The following CORO2B variants were observed in gnomAD, a reference collection of about 807,000 sequenced individuals.
CORO2B encodes coronin 2B, also known as coronin-2B.
CORO2B carries 26 observed loss-of-function variants against 58.8 expected under a neutral mutation model. The ratio of observed to expected loss-of-function variants is 0.44; its 90% CI spans 0.32 to 0.61. The LOEUF is 0.61. CORO2B is among the 20% of genes least tolerant of loss of function. The probability of loss-of-function intolerance (pLI) is 0.04; values close to 1 mark genes in which losing one functional copy is unlikely to be tolerated. For missense variants in CORO2B, 460 were observed against 645.1 expected, an observed-to-expected ratio of 0.71 and a Z score of 3.11; for synonymous variants, 242 against 253.8, an observed-to-expected ratio of 0.95 and a Z score of 0.44.
At chr15:68,612,506 G>C (rs12900292) in intron 1 of CORO2B, among the ~76,000 whole-genome samples, 26,165 of 152,182 alleles carry the variant, frequency 0.17, 2,560 homozygotes, top group African/African-American at 0.27. Flanking sequence ...GTCTGGGGTA[G>C]AGCAGGAAAA....
chr15:68,646,984 G>T (rs965883819), intron 2 of CORO2B, among the ~76,000 whole-genome samples: 2 of 152,162 alleles, frequency 1.3e-5, no homozygotes, highest in Non-Finnish European at 2.9e-5. Context: ...CCAGGAACAT[G>T]TGGGCTGGTT....
the CORO2B span, among the ~76,000 whole-genome samples, chr15:68,527,723 T>C: frequency 6.6e-6 from 1 of 152,214 alleles, no homozygotes; most frequent in Non-Finnish European, 1.5e-5. Flanking sequence ...TATCAGTCAA[T>C]ATGAAGTGGA....
At chr15:68,708,520 C>T (rs1405585549) in intron 3 of CORO2B, among the ~76,000 whole-genome samples, 2 of 151,868 alleles carry the variant, frequency 1.3e-5, no homozygotes, top group East Asian at 3.9e-4. Flanking sequence ...GCCACTACGC[C>T]TGGCTAATTT....
chr15:68,617,864 T>G (rs150268949), intron 1 of CORO2B, among the ~76,000 whole-genome samples: 31 of 152,306 alleles, frequency 2.0e-4, no homozygotes, highest in African/African-American at 7.2e-4. Flanking sequence ...AGATTGTGGC[T>G]GAATGTGGGG....
At chr15:68,631,674 C>G (rs1900833737) in intron 1 of CORO2B, among the ~76,000 whole-genome samples, 1 of 152,214 alleles carries the variant, frequency 6.6e-6, no homozygotes, top group African/African-American at 2.4e-5. Flanking sequence ...CCAACCAACC[C>G]TGAAGTACAC....
At chr15:68,531,773 A>G in the CORO2B span, among the ~76,000 whole-genome samples, 1 of 151,718 alleles carries the variant, frequency 6.6e-6, no homozygotes, top group Non-Finnish European at 1.5e-5. Flanking sequence ...AGTAAATCCA[A>G]GTTTCCATCT....
intron 1 of CORO2B, among the ~76,000 whole-genome samples, chr15:68,628,607 A>C (rs1900746296): frequency 6.6e-6 from 1 of 152,240 alleles, no homozygotes; most frequent in African/African-American, 2.4e-5. Context: ...GAGCAAAGTA[A>C]TGTTACAGTT....
chr15:68,623,287 C>G (rs1334387763), intron 1 of CORO2B, among the ~76,000 whole-genome samples: 1 of 152,198 alleles, frequency 6.6e-6, no homozygotes, highest in Non-Finnish European at 1.5e-5. Flanking sequence ...CATGCTGCCT[C>G]TTGAATCAAG....
At chr15:68,706,795 G>A (rs1198618844) in intron 3 of CORO2B, among the ~76,000 whole-genome samples, 4 of 151,824 alleles carry the variant, frequency 2.6e-5, no homozygotes, top group African/African-American at 4.8e-5. Flanking sequence ...CTGCAGCCTC[G>A]TCTTCCTGGG....
the CORO2B span, among the ~76,000 whole-genome samples, chr15:68,570,393 G>A: frequency 4.0e-4 from 61 of 152,260 alleles, 1 homozygote; most frequent in African/African-American, 1.3e-3. Flanking sequence ...TGATGTCTTC[G>A]TCTGAATTTG....
At chr15:68,646,280 G>C (rs780044728) in intron 2 of CORO2B, among the ~76,000 whole-genome samples, 3 of 152,154 alleles carry the variant, frequency 2.0e-5, no homozygotes, top group Admixed American at 1.3e-4. Flanking sequence ...GAGGTCACGC[G>C]CTTCAGGGAA....
intron 1 of CORO2B, among the ~76,000 whole-genome samples, chr15:68,643,766 C>T (rs571565924): frequency 2.7e-4 from 41 of 152,212 alleles, no homozygotes; most frequent in South Asian, 2.1e-3. Flanking sequence ...CAGGCGGCAC[C>T]GTGGCTCACA....
At chr15:68,611,756 C>T (rs1900253174) in intron 1 of CORO2B, among the ~76,000 whole-genome samples, 1 of 150,974 alleles carries the variant, frequency 6.6e-6, no homozygotes, top group South Asian at 2.1e-4. Flanking sequence ...TTAGGTTTTT[C>T]CAATTTTCCA....
chr15:68,668,229 GC>G (rs1902260654), intron 2 of CORO2B, among the ~76,000 whole-genome samples: 1 of 152,204 alleles, frequency 6.6e-6, no homozygotes, highest in Non-Finnish European at 1.5e-5. Context: ...TAGGTCATCT[GC>G]CCCACAACGT....
intron 1 of CORO2B, among the ~76,000 whole-genome samples, chr15:68,598,705 C>T (rs1899901110): frequency 1.3e-5 from 2 of 152,250 alleles, no homozygotes; most frequent in Admixed American, 1.3e-4. Context: ...TAGCTCTCCT[C>T]TGTGCCTTCC....
intron 2 of CORO2B, among the ~76,000 whole-genome samples, chr15:68,669,230 T>TA (rs1337401758): frequency 2.0e-5 from 3 of 152,220 alleles, no homozygotes; most frequent in African/African-American, 7.2e-5. Context: ...GGACTCGGCC[T>TA]TGAGAAGCAG....
intron 2 of CORO2B, among the ~76,000 whole-genome samples, chr15:68,670,496 A>G (rs915413515): frequency 2.6e-5 from 4 of 152,208 alleles, no homozygotes; most frequent in African/African-American, 9.7e-5. Flanking sequence ...AATATTTAGA[A>G]TCATTAGTTT....
At chr15:68,718,619 T>C in intron 8 of CORO2B, 79 bp from the exon 9 acceptor site, 1 of 1,252,230 alleles carries the variant, frequency 8.0e-7, no homozygotes, top group South Asian at 1.3e-5. Context: ...GCCTTTCCCC[T>C]GGCCCAGAAC....
rs1470849738 is a variant in CORO2B at position 68,726,903 on chromosome 15, A to C, written c.*929A>C. The C allele has an allele frequency of 6.6e-6, 1 of 152,272 alleles. No homozygotes were observed. Among genetic ancestry groups the C allele is most frequent in the East Asian group, 1.9e-4 (1 of 5,184 alleles). 9.4% of individuals were successfully genotyped at this position (152,272 alleles called of 1,614,324 possible). ...TGGAAGCCACTGCTACCGTCTACCC[A>C]GCACCAGTAGTGCCGATGTGCCACA... On this transcript the variant is annotated 3_prime_UTR_variant, in exon 12 of 12. Transcript: ENST00000261861.
Sources: gnomAD v4.1 joint callset for allele counts (sites outside exome capture counted in the v4.1 genomes callset) on GRCh38, gnomAD v4.1.1 for gene constraint, MANE v1.5 for transcripts, NCBI Gene and HGNC (gene_info 2026-07-23, HGNC 2026-07-21) for gene names.